The following PDE4D variants were observed in gnomAD, a reference collection of about 807,000 sequenced individuals.
PDE4D encodes the protein 3',5'-cyclic-AMP phosphodiesterase 4D.
Under a neutral mutation model 87.4 loss-of-function variants are expected in PDE4D, and 24 were observed. The ratio of observed to expected loss-of-function variants is 0.27; its 90% CI spans 0.20 to 0.39. The LOEUF is 0.39. PDE4D is among the 10% of genes least tolerant of loss of function. The pLI is 1.00. For missense variants in PDE4D, 714 were observed against 1,041.0 expected (o/e 0.69, Z 4.32); for synonymous variants, 384 against 383.2 (o/e 1.00, Z -0.02).
rs777671664 is a variant in PDE4D at position 58,974,788 on chromosome 5, C to CAAAG, written c.2302_2305dup (p.Cys769SerfsTer10). ...TTCAGTAGACTCTGAGTCTTGAGTA[C>CAAAG]AAAGAGTCTTGGAGTCACTGCAGCT... On this transcript the variant is annotated frameshift_variant, in exon 15 of 15. Transcript: ENST00000340635. LOFTEE classifies it high-confidence loss of function. The CAAAG allele has an allele frequency of 2.5e-6, 4 of 1,613,736 alleles. No homozygotes were observed. The highest frequency in any genetic ancestry group is 1.3e-5 in the African/African-American group (1 of 75,016).
At chr5:60,468,130 C>CTTTTTTTTTTTTTTTTTTT (rs370784270) in intron 1 of PDE4D, among the ~76,000 whole-genome samples, 60 of 126,174 alleles carry the variant, frequency 4.8e-4, no homozygotes, top group African/African-American at 1.4e-3. Flanking sequence ...AACTTTCTTT[C>CTTTTTTTTTTTTTTTTTTT]TTTTTTCTTT....
At chr5:59,286,634 A>G (rs867395728) in intron 1 of PDE4D, among the ~76,000 whole-genome samples, 1 of 152,164 alleles carries the variant, frequency 6.6e-6, no homozygotes, top group African/African-American at 2.4e-5. Flanking sequence ...CAAATATTTC[A>G]ATTATTTAGA....
At chr5:60,061,624 A>G (rs1356829335) in intron 2 of PDE4D, among the ~76,000 whole-genome samples, 1 of 152,180 alleles carries the variant, frequency 6.6e-6, no homozygotes, top group African/African-American at 2.4e-5. Context: ...CGTATAGCCA[A>G]AACAATTCTA....
intron 1 of PDE4D, among the ~76,000 whole-genome samples, chr5:60,304,651 C>CAAAAAAAAAAAAAAAAAAAAAAAA (rs70975379): frequency 1.7e-5 from 1 of 60,064 alleles, no homozygotes; most frequent in African/African-American, 7.8e-5. Flanking sequence ...GACTCCGTCT[C>CAAAAAAAAAAAAAAAAAAAAAAAA]AAAAAAAAAA....
chr5:59,199,043 C>T (rs1314010105), intron 2 of PDE4D, among the ~76,000 whole-genome samples: 17 of 152,046 alleles, frequency 1.1e-4, no homozygotes, highest in Admixed American at 2.0e-4. Flanking sequence ...TTTACTATTA[C>T]GAAATCATAA....
At chr5:59,994,303 G>A (rs898318422) in intron 2 of PDE4D, among the ~76,000 whole-genome samples, 3 of 151,120 alleles carry the variant, frequency 2.0e-5, no homozygotes, top group Non-Finnish European at 4.4e-5. Context: ...GTGTGTGTGT[G>A]TGTATATATA....
chr5:59,611,524 C>G (rs1213526902), intron 1 of PDE4D, among the ~76,000 whole-genome samples: 1 of 152,162 alleles, frequency 6.6e-6, no homozygotes, highest in African/African-American at 2.4e-5. Context: ...ATTCATTTAT[C>G]TGTCTGAATG....
At chr5:59,589,470 G>T (rs1304156332) in intron 1 of PDE4D, among the ~76,000 whole-genome samples, 6 of 152,140 alleles carry the variant, frequency 3.9e-5, no homozygotes, top group Non-Finnish European at 8.8e-5. Context: ...TGATGATAAT[G>T]ATGGGTTTTA....
chr5:59,512,031 T>TATC (rs1402467239), intron 1 of PDE4D, among the ~76,000 whole-genome samples: 1 of 152,154 alleles, frequency 6.6e-6, no homozygotes, highest in Non-Finnish European at 1.5e-5. Context: ...AACACAGGTG[T>TATC]GGATGTCTAA....
intron 2 of PDE4D, among the ~76,000 whole-genome samples, chr5:60,008,651 T>C (rs1428941796): frequency 1.3e-5 from 2 of 152,022 alleles, no homozygotes; most frequent in African/African-American, 4.8e-5. Flanking sequence ...TTACCTTTTC[T>C]ATTCTAAACC....
intron 1 of PDE4D, among the ~76,000 whole-genome samples, chr5:59,871,965 G>A (rs1439069164): frequency 2.0e-5 from 3 of 151,898 alleles, no homozygotes; most frequent in Non-Finnish European, 4.4e-5. Flanking sequence ...CCACTCATGA[G>A]CTCTTCTTTC....
chr5:59,240,691 G>C (rs1757464685), intron 1 of PDE4D, among the ~76,000 whole-genome samples: 1 of 152,084 alleles, frequency 6.6e-6, no homozygotes, highest in Admixed American at 6.6e-5. Context: ...CTGTTGCAAA[G>C]AGTTTCAAAT....
In PDE4D at chr5:59,704,209, C is replaced by T. The variant is rs145477832; in HGVS notation, c.455+188959G>A. Among the ~76,000 whole-genome samples the T allele has an allele frequency of 1.3e-4, 20 of 152,200 alleles. No individual in the cohort carries two copies. The East Asian group carries it at 2.5e-3, about 19-fold the overall frequency. On this transcript the variant is annotated intron_variant, in intron 1 of 14. Coordinates refer to ENST00000340635, the MANE Select transcript of PDE4D (RefSeq NM_001104631.2). ...ATATTATGTAGGTGACAAGCTAACC[C>T]GTCGTATTTAACAATATAAACAAAA...
chr5:59,253,350 C>T (rs755546970), intron 1 of PDE4D, among the ~76,000 whole-genome samples: 1 of 152,034 alleles, frequency 6.6e-6, no homozygotes, highest in Non-Finnish European at 1.5e-5. Context: ...TAAAATATGA[C>T]TTCTCTCTAG....
intron 1 of PDE4D, among the ~76,000 whole-genome samples, chr5:60,246,118 T>A (rs138736864): frequency 1.0e-3 from 156 of 151,910 alleles, no homozygotes; most frequent in African/African-American, 3.6e-3. Context: ...AATTTGTACC[T>A]TTTTTCATTT....
At chr5:59,574,084 T>TTATATATATAAATATATATTTATA (rs1464735295) in intron 1 of PDE4D, among the ~76,000 whole-genome samples, 8 of 109,770 alleles carry the variant, frequency 7.3e-5, no homozygotes, top group East Asian at 2.6e-4. Context: ...ATATATATAT[T>TTATATATATAAATATATATTTATA]TATATATATA....
chr5:59,499,967 C>T (rs1438703407), intron 1 of PDE4D, among the ~76,000 whole-genome samples: 1 of 151,514 alleles, frequency 6.6e-6, no homozygotes, highest in African/African-American at 2.4e-5. Context: ...GACACAACAA[C>T]AAAAACCCTA....
chr5:60,229,364 C>A (rs921351031), intron 1 of PDE4D, among the ~76,000 whole-genome samples: 4 of 152,148 alleles, frequency 2.6e-5, no homozygotes, highest in African/African-American at 9.7e-5. Context: ...ACAAGGTTAA[C>A]ATATCTATTT....
At chr5:59,476,296 T>A (rs188643619) in intron 1 of PDE4D, among the ~76,000 whole-genome samples, 5 of 152,170 alleles carry the variant, frequency 3.3e-5, no homozygotes, top group Non-Finnish European at 7.4e-5. Flanking sequence ...TCTGGGAGAA[T>A]TGACAATGTT....
Sources: gnomAD v4.1 joint callset for allele counts (sites outside exome capture counted in the v4.1 genomes callset) on GRCh38, gnomAD v4.1.1 for gene constraint, MANE v1.5 for transcripts, NCBI Gene and HGNC (gene_info 2026-07-23, HGNC 2026-07-21) for gene names.